The following AK5 variants were observed in gnomAD, a reference collection of about 807,000 sequenced individuals.
The protein encoded by AK5 is adenylate kinase 5, also known as adenylate kinase isoenzyme 5.
A neutral mutation model predicts 69.5 loss-of-function variants in AK5; 27 were observed. The ratio of observed to expected loss-of-function variants is 0.39; its 90% CI spans 0.29 to 0.54. The LOEUF (loss-of-function observed/expected upper bound fraction) is 0.54, where lower values mean the gene tolerates loss of function less well. Among genes scored for constraint, AK5 ranks in the 20% least tolerant of loss-of-function variants. The pLI, the probability that AK5 is intolerant of heterozygous loss-of-function variation, is 0.71. For missense variants in AK5, 531 were observed against 700.4 expected, an observed-to-expected ratio of 0.76 and a Z score of 2.73; for synonymous variants, 260 against 244.4, an observed-to-expected ratio of 1.06 and a Z score of -0.60.
intron 6 of AK5, among the ~76,000 whole-genome samples, chr1:77,363,974 T>A (rs1441657787): frequency 1.3e-5 from 2 of 152,180 alleles, no homozygotes; most frequent in East Asian, 1.9e-4. Flanking sequence ...GGATTTTTTT[T>A]GTCTGTTTTA....
At chr1:77,463,171 C>A (rs1653940852) in intron 8 of AK5, among the ~76,000 whole-genome samples, 1 of 152,100 alleles carries the variant, frequency 6.6e-6, no homozygotes, top group South Asian at 2.1e-4. Context: ...TAACAAGCAC[C>A]CCAACTCCTC....
intron 6 of AK5, among the ~76,000 whole-genome samples, chr1:77,348,458 A>T (rs970508328): frequency 1.3e-5 from 2 of 152,154 alleles, no homozygotes; most frequent in African/African-American, 4.8e-5. Flanking sequence ...ATGTATACAT[A>T]TGTAACAAAC....
At chr1:77,483,410 C>A in intron 9 of AK5, 51 bp downstream of exon 9, 1 of 1,408,846 alleles carries the variant, frequency 7.1e-7, no homozygotes, top group Non-Finnish European at 1.0e-6. Context: ...GTAACTTTGA[C>A]CATGCCTTTT....
intron 12 of AK5, among the ~76,000 whole-genome samples, chr1:77,525,152 G>A (rs572492345): frequency 1.1e-3 from 162 of 152,246 alleles, no homozygotes; most frequent in African/African-American, 3.8e-3. Flanking sequence ...CATGTGACCC[G>A]CCTGCCTTGG....
intron 10 of AK5, among the ~76,000 whole-genome samples, chr1:77,497,331 G>A (rs574944688): frequency 3.3e-5 from 5 of 152,198 alleles, no homozygotes; most frequent in South Asian, 2.1e-4. Flanking sequence ...AAAGGTCTGC[G>A]TCTTCACTCC....
At chr1:77,506,255 GT>G (rs1219208159) in intron 10 of AK5, among the ~76,000 whole-genome samples, 2 of 143,122 alleles carry the variant, frequency 1.4e-5, no homozygotes, top group South Asian at 2.1e-4. Context: ...TTGGTTGGTT[GT>G]TTTTTTTCAT....
intron 8 of AK5, among the ~76,000 whole-genome samples, chr1:77,439,809 CATATATATGT>C (rs1652207002): frequency 6.6e-6 from 1 of 151,144 alleles, no homozygotes; most frequent in South Asian, 2.1e-4. Context: ...TATATACATA[CATATATATGT>C]ATGTATGTAT....
At chr1:77,494,430 G>A (rs551897328) in intron 10 of AK5, among the ~76,000 whole-genome samples, 3 of 152,164 alleles carry the variant, frequency 2.0e-5, no homozygotes, top group Non-Finnish European at 4.4e-5. Flanking sequence ...GGATCTAGCA[G>A]GCCCCAGCAC....
chr1:77,535,269 A>C (rs540308982), intron 12 of AK5, among the ~76,000 whole-genome samples: 1 of 152,342 alleles, frequency 6.6e-6, no homozygotes, highest in South Asian at 2.1e-4. Context: ...TCTGTGTCTC[A>C]GTGGGAGAGT....
intron 6 of AK5, among the ~76,000 whole-genome samples, chr1:77,359,485 T>G (rs1646823618): frequency 6.6e-6 from 1 of 152,180 alleles, no homozygotes; most frequent in South Asian, 2.1e-4. Flanking sequence ...TCTGTAAACT[T>G]TTTTGTAAAA....
intron 13 of AK5, among the ~76,000 whole-genome samples, chr1:77,555,760 TCTC>T (rs967673595): frequency 6.6e-6 from 1 of 152,268 alleles, no homozygotes; most frequent in African/African-American, 2.4e-5. Context: ...CCTGTGCTTA[TCTC>T]CTAACAGTGT....
chr1:77,395,670 G>A (rs1457424675), intron 6 of AK5, among the ~76,000 whole-genome samples: 1 of 152,142 alleles, frequency 6.6e-6, no homozygotes, highest in Non-Finnish European at 1.5e-5. Flanking sequence ...TCTTTGGAAG[G>A]CTCAAGCATA....
chr1:77,479,671 A>G (rs1655144236), intron 8 of AK5, among the ~76,000 whole-genome samples: 1 of 152,120 alleles, frequency 6.6e-6, no homozygotes, highest in Non-Finnish European at 1.5e-5. Context: ...TCTCTTTGTC[A>G]GTTCAGAAGA....
At chr1:77,385,346 AG>A (rs1007295274) in intron 6 of AK5, among the ~76,000 whole-genome samples, 28 of 151,918 alleles carry the variant, frequency 1.8e-4, no homozygotes, top group Non-Finnish European at 3.1e-4. Context: ...TTTTTAGTAG[AG>A]AGGGGGTTTC....
chr1:77,392,746 G>A (rs919643768), intron 6 of AK5, among the ~76,000 whole-genome samples: 1 of 151,506 alleles, frequency 6.6e-6, no homozygotes, highest in Non-Finnish European at 1.5e-5. Flanking sequence ...TGGCCTTTTG[G>A]TGGCCAAAGG....
intron 9 of AK5, among the ~76,000 whole-genome samples, chr1:77,484,410 C>T (rs767918475): frequency 1.5e-4 from 23 of 152,030 alleles, no homozygotes; most frequent in Admixed American, 2.0e-4. Flanking sequence ...TTAAATAACC[C>T]CAGCTCTAAT....
At chr1:77,520,799 T>C (rs1657937588) in intron 11 of AK5, among the ~76,000 whole-genome samples, 1 of 152,224 alleles carries the variant, frequency 6.6e-6, no homozygotes, top group Non-Finnish European at 1.5e-5. Flanking sequence ...TCTTCTTCAT[T>C]AGAATATAAA....
In AK5 at chr1:77,297,628, C is replaced by A. The variant is rs1222950271; in HGVS notation, c.485C>A (p.Ser162Tyr). The A allele has an allele frequency of 6.2e-7, 1 of 1,613,870 alleles. No homozygotes were observed. Residue 162 changes from serine to tyrosine, a missense_variant, in exon 4 of 14, where the codon TCT becomes TAT. Ser to Tyr is a moderately radical substitution (Grantham distance 144). Coordinates refer to ENST00000354567, the MANE Select transcript of AK5 (RefSeq NM_174858.3). ...IAERYGFQYI[S>Y]VGELLRKKIH... ...GAACGATATGGATTCCAATACATTT[C>A]TGTGGGAGAATTATTAAGAAAGAAG...
chr1:77,465,863 C>T (rs764316958), intron 8 of AK5, among the ~76,000 whole-genome samples: 2 of 152,100 alleles, frequency 1.3e-5, no homozygotes, highest in Non-Finnish European at 2.9e-5. Context: ...AAAATTCTTG[C>T]GATCATCTCA....
Sources: gnomAD v4.1 joint callset for allele counts (sites outside exome capture counted in the v4.1 genomes callset) on GRCh38, gnomAD v4.1.1 for gene constraint, MANE v1.5 for transcripts, NCBI Gene and HGNC (gene_info 2026-07-23, HGNC 2026-07-21) for gene names.